The following FMO2 variants were observed in gnomAD, a reference collection of about 807,000 sequenced individuals.
FMO2 encodes the protein flavin-containing monooxygenase 2.
A neutral mutation model predicts 41.6 loss-of-function variants in FMO2; 33 were observed. The observed-to-expected ratio is 0.79, with a 90% CI of 0.60 to 1.06. The LOEUF is 1.06. Among genes scored for constraint, FMO2 ranks in the 50% least tolerant of loss-of-function variants. The pLI is 0.00. For synonymous variants in FMO2, 214 were observed against 219.6 expected, an observed-to-expected ratio of 0.97 and a Z score of 0.23; for missense variants, 619 against 632.9, an observed-to-expected ratio of 0.98 and a Z score of 0.23.
Position 171,199,443 on chromosome 1 carries a change from C to G in FMO2, c.582C>G (p.Asn194Lys). Residue 194 changes from asparagine (N) to lysine (K), a missense_variant, in exon 5 of 9, where the codon AAC (asparagine) becomes AAG (lysine). Transcript: ENST00000209929. ...GKRILVIGMG[N>K]SGSDIAVELS... ...GCATCCTGGTGATTGGAATGGGAAA[C>G]TCAGGCTCAGATATTGCTGTTGAGC... The G allele has an allele frequency of 6.2e-7, 1 of 1,612,898 alleles. No homozygotes were observed. The highest frequency in any genetic ancestry group is 8.5e-7 in the Non-Finnish European group (1 of 1,179,466).
At chr1:171,202,993 T>A (rs575318241) in intron 5 of FMO2, among the ~76,000 whole-genome samples, 1 of 152,170 alleles carries the variant, frequency 6.6e-6, no homozygotes, top group Non-Finnish European at 1.5e-5. Context: ...TGAAAGAGGA[T>A]TCAGATGTGC....
At chr1:171,187,081 G>C (rs1198187824) in intron 2 of FMO2, among the ~76,000 whole-genome samples, 5 of 152,204 alleles carry the variant, frequency 3.3e-5, no homozygotes, top group Non-Finnish European at 7.3e-5. Flanking sequence ...GAGATGGCCA[G>C]GGCCACACAA....
Position 171,209,603 on chromosome 1 carries a change from G to A in FMO2, c.*458G>A. On this transcript the variant is annotated 3_prime_UTR_variant, in exon 9 of 9. Transcript: ENST00000209929. ...ACAAAGTTCTCAGATGTTAGGTCAT[G>A]TTTCATTTGCTCAGTCGGGGATCAC... 1 of 152,458 alleles carries A rather than the reference G, an allele frequency of 6.6e-6. No individual in the cohort carries two copies. Among genetic ancestry groups the A allele is most frequent in the East Asian group, 1.9e-4 (1 of 5,180 alleles). 9.4% of individuals were successfully genotyped at this position (152,458 alleles called of 1,614,324 possible). A position where few individuals can be genotyped will look rare whatever the true frequency, so the allele number is the denominator to read the frequency against.
At chr1:171,196,058 C>A (rs1658297171) in intron 3 of FMO2, among the ~76,000 whole-genome samples, 1 of 152,098 alleles carries the variant, frequency 6.6e-6, no homozygotes, top group African/African-American at 2.4e-5. Flanking sequence ...TTTCCTTGTT[C>A]AGATTATCAA....
intron 5 of FMO2, among the ~76,000 whole-genome samples, chr1:171,202,662 G>T (rs1658581470): frequency 6.6e-6 from 1 of 152,190 alleles, no homozygotes; most frequent in African/African-American, 2.4e-5. Flanking sequence ...GAGGCACAGA[G>T]AGATTGAAAT....
chr1:171,204,284 G>A (rs1438395045), intron 6 of FMO2, among the ~76,000 whole-genome samples: 2 of 152,090 alleles, frequency 1.3e-5, no homozygotes, highest in African/African-American at 4.8e-5. Flanking sequence ...AGCTGCTCCA[G>A]AAAGCAAAAC....
rs1240719340 is a variant in FMO2 at position 171,209,114 on chromosome 1, T to C, written c.1577T>C (p.Val526Ala). Residue 526 changes from valine (V) to alanine (A), a missense_variant, in exon 9 of 9, where the codon GTG becomes GCG. Transcript: ENST00000209929. The part of the protein sequence containing the change: ...LKILGLLAVV[V>A]AFFCQLQWS ...ATCCTGGGCCTTCTTGCTGTTGTTG[T>C]GGCCTTTTTTTGCCAACTTCAATGG... 3 of 763,572 alleles carry C rather than the reference T, an allele frequency of 3.9e-6. No individual in the cohort carries two copies. The highest frequency in any genetic ancestry group is 1.8e-5 in the African/African-American group (1 of 56,268). 47.3% of individuals were successfully genotyped at this position (763,572 alleles called of 1,614,324 possible).
chr1:171,205,462 C>T lies in FMO2; in HGVS notation c.1011C>T (p.Phe337=). The change falls in exon 7 of 9, where the codon TTC becomes TTT. Residue 337 remains phenylalanine (F), a synonymous_variant. Transcript: ENST00000209929. The part of the protein sequence containing the change: ...FATGYSFSFP[F]LEDSLVKVEN... ...CAGGATATAGTTTCTCTTTTCCCTT[C>T]CTTGAAGATTCACTCGTTAAAGTAG... is the stretch of plus-strand genomic sequence containing the variant. 1 of 1,613,824 alleles carries T rather than the reference C, an allele frequency of 6.2e-7. No individual in the cohort carries two copies. Among genetic ancestry groups the T allele is most frequent in the Non-Finnish European group, 8.5e-7 (1 of 1,179,848 alleles).
chr1:171,198,654 G>A (rs532002831), intron 4 of FMO2, among the ~76,000 whole-genome samples: 9 of 152,098 alleles, frequency 5.9e-5, no homozygotes, highest in South Asian at 2.1e-4. Flanking sequence ...CAGTTGATCC[G>A]CCCGCCTTGG....
In FMO2 at chr1:171,193,525, T is replaced by TAC; in HGVS notation, c.321+3_321+4insCA. 6.3e-7 allele frequency: 1 copy of TAC among 1,581,562 alleles called. No homozygotes were observed. Among genetic ancestry groups the TAC allele is most frequent in the Non-Finnish European group, 8.7e-7 (1 of 1,155,298 alleles). ...CTGCTAAAATATATTCAGTTCCAGGTATTGTATTTTTGGGGAAATGGGTTT... is the reference window on the plus strand; with the variant it reads ...CTGCTAAAATATATTCAGTTCCAGGTACATTGTATTTTTGGGGAAATGGGTTT... On this transcript the variant is annotated splice_region_variant and intron_variant, in intron 3 of 8. Transcript: ENST00000209929.
intron 7 of FMO2, among the ~76,000 whole-genome samples, chr1:171,206,785 G>A (rs1658772081): frequency 6.6e-6 from 1 of 152,170 alleles, no homozygotes; most frequent in Admixed American, 6.5e-5. Context: ...TACAGCCTCA[G>A]GGATGAAAGA....
chr1:171,190,362 A>G (rs1571272032), intron 2 of FMO2, among the ~76,000 whole-genome samples: 1 of 152,334 alleles, frequency 6.6e-6, no homozygotes, highest in Admixed American at 6.5e-5. Flanking sequence ...TTATATGATA[A>G]TTTATGTTAA....
chr1:171,193,096 C>A (rs541240166), intron 2 of FMO2, among the ~76,000 whole-genome samples: 19 of 152,226 alleles, frequency 1.2e-4, no homozygotes, highest in African/African-American at 4.6e-4. Context: ...CTGTCCCCAA[C>A]CTCACCATTG....
chr1:171,188,037 T>TA (rs1657927654), intron 2 of FMO2, among the ~76,000 whole-genome samples: 1 of 113,662 alleles, frequency 8.8e-6, no homozygotes, highest in African/African-American at 4.6e-5. Context: ...GGAATTTTTT[T>TA]TTTTTTTTTT....
Position 171,211,773 on chromosome 1 carries a change from A to C in FMO2, c.*2628A>C, listed in dbSNP as rs751103128. Among the ~76,000 whole-genome samples, 2 of 152,186 alleles carry C rather than the reference A, an allele frequency of 1.3e-5. No homozygotes were observed. Among genetic ancestry groups the C allele is most frequent in the Non-Finnish European group, 2.9e-5 (2 of 68,020 alleles). On this transcript the variant is annotated 3_prime_UTR_variant, in exon 9 of 9. Coordinates refer to ENST00000209929, the MANE Select transcript of FMO2 (RefSeq NM_001460.5). The stretch of plus-strand genomic sequence containing the variant: ...AGTAGTTTGTTTCAAAATATTAGCC[A>C]CAGACCACCTACATCACAATAACTC...
intron 4 of FMO2, among the ~76,000 whole-genome samples, chr1:171,198,358 TA>T (rs1658383821): frequency 1.3e-5 from 2 of 152,150 alleles, no homozygotes; most frequent in South Asian, 4.1e-4. Flanking sequence ...ACAATTATAA[TA>T]ATAGCACTTC....
intron 3 of FMO2, 113 bp downstream of exon 3, chr1:171,193,636 T>G: frequency 1.4e-6 from 1 of 724,958 alleles, no homozygotes; most frequent in Non-Finnish European, 2.2e-6. Context: ...ATTCTAAGTA[T>G]TTGTTGAAAT....
At chr1:171,190,872 G>A (rs28369826) in intron 2 of FMO2, among the ~76,000 whole-genome samples, 15,899 of 152,134 alleles carry the variant, frequency 0.1, 1,498 homozygotes, top group African/African-American at 0.26. Flanking sequence ...TTGGCTGGGC[G>A]CGGTGGCTCA....
chr1:171,197,998 T>C (rs888232880), intron 4 of FMO2, among the ~76,000 whole-genome samples: 1 of 152,198 alleles, frequency 6.6e-6, no homozygotes, highest in Non-Finnish European at 1.5e-5. Context: ...TTAAAAACAA[T>C]AGAAGACAAA....
Sources: gnomAD v4.1 joint callset for allele counts (sites outside exome capture counted in the v4.1 genomes callset) on GRCh38, gnomAD v4.1.1 for gene constraint, MANE v1.5 for transcripts, NCBI Gene and HGNC (gene_info 2026-07-23, HGNC 2026-07-21) for gene names.